The following DGKG variants were observed in gnomAD, a reference collection of about 807,000 sequenced individuals.
The protein encoded by DGKG is diacylglycerol kinase gamma.
In DGKG, 78 loss-of-function variants were observed where a neutral mutation model predicts 105.3. The observed-to-expected ratio is 0.74, with a 90% CI of 0.62 to 0.89. DGKG has a LOEUF of 0.89. DGKG is among the 40% of genes least tolerant of loss of function. The probability of loss-of-function intolerance (pLI) is 0.00; values close to 1 mark genes in which losing one functional copy is unlikely to be tolerated. For missense variants in DGKG, 958 were observed against 1,020.1 expected, an observed-to-expected ratio of 0.94 and a Z score of 0.83; for synonymous variants, 346 against 367.1, an observed-to-expected ratio of 0.94 and a Z score of 0.66.
intron 1 of DGKG, among the ~76,000 whole-genome samples, chr3:186,356,429 T>A (rs528696067): frequency 1.3e-4 from 20 of 152,212 alleles, no homozygotes; most frequent in African/African-American, 4.8e-4. Flanking sequence ...TGTGGGCAAG[T>A]ATCGGGTGAA....
rs1006230125 is a variant in DGKG at position 186,210,109 on chromosome 3, C to T, written c.1917+1686G>A. On this transcript the variant is annotated intron_variant, in intron 21 of 24. Coordinates refer to ENST00000265022, the MANE Select transcript of DGKG (RefSeq NM_001346.3). This position sits in a 1 kb window ranked among gnomAD's most constrained non-coding sequence, Gnocchi z 5.2. ...CTCAAACCCAGAGGGGACTGTGGGGCCTGGAGCCGGGAGGGCAGGCCAGAG... is the reference window on the plus strand; with the variant it reads ...CTCAAACCCAGAGGGGACTGTGGGGTCTGGAGCCGGGAGGGCAGGCCAGAG... Among the ~76,000 whole-genome samples, 2 of 152,162 alleles carry T rather than the reference C, an allele frequency of 1.3e-5. No homozygotes were observed. The highest frequency in any genetic ancestry group is 4.8e-5 in the African/African-American group (2 of 41,428).
intron 20 of DGKG, among the ~76,000 whole-genome samples, chr3:186,228,310 C>G (rs879365974): frequency 2.6e-5 from 4 of 152,188 alleles, no homozygotes; most frequent in East Asian, 3.8e-4. Context: ...CTCTCTCCCC[C>G]TGGGGATTGC....
At chr3:186,288,140 G>A (rs1004565035) in intron 6 of DGKG, among the ~76,000 whole-genome samples, 3 of 152,124 alleles carry the variant, frequency 2.0e-5, no homozygotes, top group Non-Finnish European at 4.4e-5. Flanking sequence ...GTAGCACCAC[G>A]AAACTGAGCT....
At chr3:186,193,711 G>A (rs551036270) in intron 21 of DGKG, among the ~76,000 whole-genome samples, 2 of 152,188 alleles carry the variant, frequency 1.3e-5, no homozygotes, top group African/African-American at 2.4e-5. Flanking sequence ...ATGGAACGCC[G>A]GCCCCGGGGC....
At chr3:186,228,579 C>G (rs556062441) in intron 20 of DGKG, among the ~76,000 whole-genome samples, 12 of 152,290 alleles carry the variant, frequency 7.9e-5, no homozygotes, top group African/African-American at 2.2e-4. Context: ...CTGCTCCCCC[C>G]GCCTTTTCAC....
At chr3:186,246,197 C>A (rs923775337) in intron 19 of DGKG, among the ~76,000 whole-genome samples, 2 of 152,290 alleles carry the variant, frequency 1.3e-5, no homozygotes, top group East Asian at 3.9e-4. Context: ...GTCTCAAACT[C>A]CTGACCTCAG....
chr3:186,353,567 A>ATG (rs1380924881), intron 1 of DGKG, among the ~76,000 whole-genome samples: 4 of 78,888 alleles, frequency 5.1e-5, no homozygotes, highest in African/African-American at 9.7e-5. Flanking sequence ...TTATGTATGT[A>ATG]TATATATATA....
chr3:186,259,200 G>C (rs1721629987), intron 16 of DGKG, among the ~76,000 whole-genome samples: 1 of 152,232 alleles, frequency 6.6e-6, no homozygotes, highest in South Asian at 2.1e-4. Flanking sequence ...GAGACCCTCA[G>C]GGCGTATCAG....
rs375025710 is a variant in DGKG, at chr3:186,274,822, G to C, written c.910+725C>G. Reference sequence around the variant, plus strand: ...TTTGGGTTGGTTCTAAGTCTTTGCTGTTGTGAATAGTGCCACAATAAACAT... The same window carrying C: ...TTTGGGTTGGTTCTAAGTCTTTGCTCTTGTGAATAGTGCCACAATAAACAT... On this transcript the variant is annotated intron_variant, in intron 10 of 24. Coordinates refer to ENST00000265022, the MANE Select transcript of DGKG (RefSeq NM_001346.3). Among the ~76,000 whole-genome samples, 4 of 152,022 alleles carry C rather than the reference G, an allele frequency of 2.6e-5. No individual in the cohort carries two copies. The East Asian group carries it at 7.7e-4, about 29-fold the overall frequency.
At chr3:186,333,443 CAT>C (rs1312723037) in intron 1 of DGKG, among the ~76,000 whole-genome samples, 1 of 152,166 alleles carries the variant, frequency 6.6e-6, no homozygotes, top group East Asian at 1.9e-4. Context: ...GGCAGTAAAA[CAT>C]TATAGGGAAG....
At chr3:186,323,533 C>T (rs1725179870) in intron 1 of DGKG, among the ~76,000 whole-genome samples, 1 of 152,168 alleles carries the variant, frequency 6.6e-6, no homozygotes, top group South Asian at 2.1e-4. Flanking sequence ...GTGGCTTATG[C>T]CTGTAATCCC....
intron 19 of DGKG, among the ~76,000 whole-genome samples, chr3:186,243,273 G>A (rs1211685966): frequency 2.0e-5 from 3 of 151,444 alleles, no homozygotes; most frequent in Non-Finnish European, 4.4e-5. Flanking sequence ...TCCCTCCAAG[G>A]CCAATAAGAG....
intron 1 of DGKG, among the ~76,000 whole-genome samples, chr3:186,339,228 A>G (rs939568849): frequency 6.6e-6 from 1 of 152,210 alleles, no homozygotes; most frequent in African/African-American, 2.4e-5. Context: ...GGAGGCAAAG[A>G]TGAATTAGGA....
chr3:186,198,981 CTT>C lies in DGKG; in HGVS notation c.1918-10604_1918-10603del, dbSNP rs1417645492. Among the ~76,000 whole-genome samples the C allele has an allele frequency of 3.3e-5, 5 of 152,118 alleles. No individual in the cohort carries two copies. The South Asian group carries it at 6.2e-4, about 19-fold the overall frequency. On this transcript the variant is annotated intron_variant, in intron 21 of 24. Transcript: ENST00000265022. ...TTTTTTTTTAAGACGGAGTTTTGCT[CTT>C]GTTACCCAGGCTGGAGTGCAATGGT...
At chr3:186,354,777 A>G (rs1578874997) in intron 1 of DGKG, among the ~76,000 whole-genome samples, 1 of 152,218 alleles carries the variant, frequency 6.6e-6, no homozygotes, top group South Asian at 2.1e-4. Flanking sequence ...GCTTCTTCAG[A>G]AAAGGAAGTG....
intron 1 of DGKG, among the ~76,000 whole-genome samples, chr3:186,321,252 C>T (rs1412017785): frequency 1.3e-5 from 2 of 152,188 alleles, no homozygotes; most frequent in Non-Finnish European, 2.9e-5. Context: ...CAAACAAACA[C>T]TGAGCATCTT....
chr3:186,266,307 G>A (rs1397502001), intron 13 of DGKG, among the ~76,000 whole-genome samples: 1 of 152,172 alleles, frequency 6.6e-6, no homozygotes, highest in Non-Finnish European at 1.5e-5. Flanking sequence ...TCTATGCATA[G>A]TTTGTTCTTT....
rs1414062669 is a variant in DGKG at position 186,361,694 on chromosome 3, A to AG, written c.-249+251dup. On this transcript the variant is annotated intron_variant, in intron 1 of 24. Coordinates refer to ENST00000265022, the MANE Select transcript of DGKG (RefSeq NM_001346.3). The surrounding 1 kb of genome is among the most constrained non-coding windows in gnomAD (Gnocchi z 6.8). ...CCCACCCGCACAGCTTTGAGGCTTG[A>AG]GGGGGCCTCTCAGTCGCAGAGAGAG... Among the ~76,000 whole-genome samples, 1 of 152,190 alleles carries AG rather than the reference A, an allele frequency of 6.6e-6. No homozygotes were observed. The highest frequency in any genetic ancestry group is 1.5e-5 in the Non-Finnish European group (1 of 68,030).
At position 186,226,504 on chromosome 3, in the gene DGKG, A is replaced by G. The variant is rs1164369898; in HGVS notation, c.1827-14619T>C. ...CCCAAGTTCAGGGGCAAGGTGGTAC[A>G]GAAGAGGAAAGGGGGAACCTGACTA... is the stretch of plus-strand genomic sequence containing the variant. On this transcript the variant is annotated intron_variant, in intron 20 of 24. Coordinates refer to ENST00000265022, the MANE Select transcript of DGKG (RefSeq NM_001346.3). The surrounding 1 kb of genome is among the most constrained non-coding windows in gnomAD (Gnocchi z 4.2). 6.6e-6 allele frequency among the ~76,000 whole-genome samples: 1 copy of G among 152,174 alleles called. No individual in the cohort carries two copies. Among genetic ancestry groups the G allele is most frequent in the Non-Finnish European group, 1.5e-5 (1 of 68,042 alleles).
Sources: allele counts gnomAD v4.1 joint callset (sites outside exome capture counted in the v4.1 genomes callset), GRCh38; gene constraint gnomAD v4.1.1; non-coding constraint Gnocchi (gnomAD v3.1); transcripts MANE v1.5; gene names NCBI Gene and HGNC (gene_info 2026-07-23, HGNC 2026-07-21).